The following NCKAP5 variants were observed in gnomAD, a reference collection of about 807,000 sequenced individuals.
NCKAP5 encodes the protein NCK associated protein 5.
In NCKAP5, 92 loss-of-function variants were observed where a neutral mutation model predicts 167.0. The observed-to-expected ratio is 0.55, with a 90% confidence interval of 0.47 to 0.66. The LOEUF (loss-of-function observed/expected upper bound fraction) is 0.66. Ranked by LOEUF, NCKAP5 falls within the 30% of genes least tolerant of loss-of-function variation. NCKAP5 has a pLI of 0.00. For synonymous variants in NCKAP5, 891 were observed against 877.4 expected (o/e 1.02, Z -0.27); for missense variants, 2,378 against 2,315.0 (o/e 1.03, Z -0.56).
intron 4 of NCKAP5, among the ~76,000 whole-genome samples, chr2:133,251,355 A>G (rs956405875): frequency 6.6e-6 from 1 of 152,036 alleles, no homozygotes; most frequent in East Asian, 1.9e-4. Context: ...CATACAGTGG[A>G]GTGGAAAAGA....
chr2:133,376,315 C>G (rs1300457748), intron 3 of NCKAP5, among the ~76,000 whole-genome samples: 1 of 152,138 alleles, frequency 6.6e-6, no homozygotes, highest in Non-Finnish European at 1.5e-5. Context: ...TATGTTCAAA[C>G]CCAACTAAAA....
intron 6 of NCKAP5, among the ~76,000 whole-genome samples, chr2:133,004,803 T>C (rs2077903795): frequency 6.6e-6 from 1 of 152,174 alleles, no homozygotes; most frequent in African/African-American, 2.4e-5. Context: ...GACCAGGGCA[T>C]ATTTCACCCC....
In NCKAP5 at chr2:133,416,201, A is replaced by G. The variant is rs562805401; in HGVS notation, c.69+101257T>C. 1.7e-4 allele frequency among the ~76,000 whole-genome samples: 26 copies of G among 152,340 alleles called. No individual in the cohort carries two copies. The South Asian group carries it at 5.2e-3, about 30-fold the overall frequency. ...GCTCTGTGGAGCTCTGGGTGTAATC[A>G]GCACTAAGATAGATGAAGACCTTTC... On this transcript the variant is annotated intron_variant, in intron 3 of 19. Transcript: ENST00000409261.
chr2:133,146,216 C>T (rs2083191381), intron 5 of NCKAP5, among the ~76,000 whole-genome samples: 1 of 147,370 alleles, frequency 6.8e-6, no homozygotes, highest in South Asian at 2.2e-4. Flanking sequence ...ATTAGAAAAG[C>T]AACATCTAGA....
At chr2:133,242,196 A>G (rs1233889826) in intron 4 of NCKAP5, among the ~76,000 whole-genome samples, 1 of 151,362 alleles carries the variant, frequency 6.6e-6, no homozygotes, top group Non-Finnish European at 1.5e-5. Flanking sequence ...CCACCTTCTG[A>G]AGGTAACCAA....
chr2:133,140,483 T>C (rs892071940), intron 5 of NCKAP5, among the ~76,000 whole-genome samples: 4 of 152,118 alleles, frequency 2.6e-5, no homozygotes, highest in Non-Finnish European at 5.9e-5. Flanking sequence ...TCTCTCGTTG[T>C]TCTCTGTTAT....
Position 133,240,857 on chromosome 2 carries a change from C to G in NCKAP5, c.144-27078G>C, listed in dbSNP as rs532167957. Among the ~76,000 whole-genome samples the G allele has an allele frequency of 6.1e-4, 93 of 152,280 alleles. 1 individual carries two copies. In the South Asian group the frequency reaches 0.019, roughly 31 times the overall value. ...GCTGTCTTCTGCCTCTATTTTCATT[C>G]AGGATAGGAGATTAATCTTATTTCA... is the stretch of plus-strand genomic sequence containing the variant. On this transcript the variant is annotated intron_variant, in intron 4 of 19. Transcript: ENST00000409261.
chr2:132,920,771 G>GTATATATATA (rs55895538), intron 8 of NCKAP5, among the ~76,000 whole-genome samples: 17 of 31,572 alleles, frequency 5.4e-4, no homozygotes, highest in Non-Finnish European at 9.1e-4. Context: ...ATATATGTAT[G>GTATATATATA]TATATATATA....
At chr2:132,964,400 C>T (rs1436238798) in intron 7 of NCKAP5, among the ~76,000 whole-genome samples, 1 of 152,116 alleles carries the variant, frequency 6.6e-6, no homozygotes, top group Non-Finnish European at 1.5e-5. Flanking sequence ...TTTAAGGATC[C>T]CTCAGTCCCT....
chr2:133,207,432 C>A (rs1260883838), intron 5 of NCKAP5, among the ~76,000 whole-genome samples: 1 of 152,150 alleles, frequency 6.6e-6, no homozygotes, highest in Non-Finnish European at 1.5e-5. Context: ...GCAGTCACTG[C>A]ATTCCTGGAA....
rs1268366561 is a variant in NCKAP5, at chr2:132,700,023, T to C, written c.5713+25604A>G. On this transcript the variant is annotated intron_variant, in intron 19 of 19. Coordinates refer to ENST00000409261, the MANE Select transcript of NCKAP5 (RefSeq NM_207363.3). ...CCTGACTTGTTAATGATCGCCATTC[T>C]AACTGGTGTGAGATGGTATCTCATT... Among the ~76,000 whole-genome samples the C allele has an allele frequency of 2.0e-5, 3 of 152,234 alleles. No individual in the cohort carries two copies. The East Asian group carries it at 5.8e-4, about 29-fold the overall frequency.
chr2:133,311,245 C>T lies in NCKAP5; in HGVS notation c.70-8135G>A, dbSNP rs151097807. The stretch of plus-strand genomic sequence containing the variant: ...CTCAAGCTTGATTAATTTGCTACAG[C>T]AGTTCACAGAACTCAAGGAAGCATT... On this transcript the variant is annotated intron_variant, in intron 3 of 19. Coordinates refer to ENST00000409261, the MANE Select transcript of NCKAP5 (RefSeq NM_207363.3). Among the ~76,000 whole-genome samples the T allele has an allele frequency of 4.3e-3, 656 of 152,332 alleles. 7 individuals carry two copies. Among genetic ancestry groups the T allele is most frequent in the African/African-American group, 0.015 (622 of 41,576 alleles).
At chr2:133,007,312 AG>A (rs2078002213) in intron 6 of NCKAP5, among the ~76,000 whole-genome samples, 1 of 152,246 alleles carries the variant, frequency 6.6e-6, no homozygotes, top group Admixed American at 6.5e-5. Context: ...TTAAAGATCC[AG>A]GCTATCTGAA....
At chr2:133,203,242 G>A (rs763457461) in intron 5 of NCKAP5, among the ~76,000 whole-genome samples, 1 of 152,136 alleles carries the variant, frequency 6.6e-6, no homozygotes, top group East Asian at 1.9e-4. Flanking sequence ...CCTTTGTAGG[G>A]ACATGGATGA....
intron 13 of NCKAP5, among the ~76,000 whole-genome samples, chr2:132,786,914 C>T (rs1426344339): frequency 6.6e-6 from 1 of 152,206 alleles, no homozygotes; most frequent in East Asian, 1.9e-4. Context: ...GCAGTCCTAA[C>T]TGATGCTATA....
chr2:132,782,844 G>C lies in NCKAP5; in HGVS notation c.3967C>G (p.Pro1323Ala). The C allele has an allele frequency of 6.2e-7, 1 of 1,613,970 alleles. No individual in the cohort carries two copies. The change falls in exon 14 of 20, where the codon CCC (proline) becomes GCC (alanine). Residue 1323 changes from proline to alanine, a missense_variant. Around this residue, in one of 3 missense-constraint regions of NCKAP5, gnomAD observed 1,325 missense variants for 1,274.5 expected, o/e 1.04. Coordinates refer to ENST00000409261, the MANE Select transcript of NCKAP5 (RefSeq NM_207363.3). ...TRQNSSTESS[P>A]NKAPSAPMLE... ...ATGGGAGCAGAAGGGGCCTTGTTGGGAGAGCTTTCCGTGGAAGAGTTCTGC... is the reference window on the plus strand; with the variant it reads ...ATGGGAGCAGAAGGGGCCTTGTTGGCAGAGCTTTCCGTGGAAGAGTTCTGC...
intron 5 of NCKAP5, among the ~76,000 whole-genome samples, chr2:133,151,253 C>T (rs1403715545): frequency 6.6e-6 from 1 of 152,012 alleles, no homozygotes; most frequent in East Asian, 1.9e-4. Context: ...TTAGATACAA[C>T]ACCAAAAGCA....
At chr2:132,888,473 C>T (rs573761674) in intron 8 of NCKAP5, among the ~76,000 whole-genome samples, 1 of 152,126 alleles carries the variant, frequency 6.6e-6, no homozygotes, top group Non-Finnish European at 1.5e-5. Flanking sequence ...CCTGCAACCT[C>T]CACCTACTGG....
At chr2:132,979,542 G>A (rs142747416) in intron 7 of NCKAP5, among the ~76,000 whole-genome samples, 1 of 152,254 alleles carries the variant, frequency 6.6e-6, no homozygotes, top group Non-Finnish European at 1.5e-5. Context: ...AGCCCCGAGA[G>A]GTTAAGTAAT....
Sources: gnomAD v4.1 joint callset for allele counts (sites outside exome capture counted in the v4.1 genomes callset) on GRCh38, gnomAD v4.1.1 for gene constraint, gnomAD v4.1.1 regional missense constraint, MANE v1.5 for transcripts, NCBI Gene and HGNC (gene_info 2026-07-23, HGNC 2026-07-21) for gene names.